Variants in SHANK2 observed in about 807,000 individuals in gnomAD.
SHANK2 encodes SH3 and multiple ankyrin repeat domains protein 2.
A neutral mutation model predicts 133.7 loss-of-function variants in SHANK2; 43 were observed. The ratio of observed to expected loss-of-function variants is 0.32; its 90% CI spans 0.25 to 0.41. SHANK2 has a LOEUF of 0.41. Ranked by LOEUF, SHANK2 falls within the 10% of genes least tolerant of loss-of-function variation. The probability of loss-of-function intolerance (pLI) is 1.00; values close to 1 mark genes in which losing one functional copy is unlikely to be tolerated. For synonymous variants in SHANK2, 1,017 were observed against 952.8 expected (o/e 1.07, Z -1.24); for missense variants, 1,994 against 2,235.8 (o/e 0.89, Z 2.18).
In SHANK2 at chr11:71,135,482, G is replaced by GTT. The variant is rs71949830; in HGVS notation, c.207+11636_207+11637dup. 1.2e-3 allele frequency among the ~76,000 whole-genome samples: 138 copies of GTT among 115,644 alleles called. 2 individuals carry two copies. The highest frequency in any genetic ancestry group is 2.4e-3 in the African/African-American group (76 of 31,126). 75.9% of individuals were successfully genotyped at this position (115,644 alleles called of 152,430 possible). A position where few individuals can be genotyped will look rare whatever the true frequency, so the allele number is the denominator to read the frequency against. The stretch of plus-strand genomic sequence containing the variant: ...TGTGTGCCCAGACTAGGGGGGATAT[G>GTT]TTTTTTTTTTTTTTTTTTTTTGAGA... On this transcript the variant is annotated intron_variant, in intron 3 of 25. Transcript: ENST00000601538.
intron 17 of SHANK2, among the ~76,000 whole-genome samples, chr11:70,632,221 A>AAG (rs2061001526): frequency 2.0e-5 from 3 of 152,030 alleles, no homozygotes; most frequent in African/African-American, 7.2e-5. Context: ...TCCCGGGTTC[A>AAG]TGCCATTCTC....
At chr11:70,625,628 G>A (rs2060893812) in intron 17 of SHANK2, among the ~76,000 whole-genome samples, 1 of 151,712 alleles carries the variant, frequency 6.6e-6, no homozygotes, top group African/African-American at 2.4e-5. Flanking sequence ...GAAAACTGAG[G>A]CCCAGACCTT....
At chr11:70,875,302 C>G (rs145654100) in intron 11 of SHANK2, among the ~76,000 whole-genome samples, 8 of 151,928 alleles carry the variant, frequency 5.3e-5, no homozygotes, top group African/African-American at 1.7e-4. Flanking sequence ...GCTCTGCTTT[C>G]GGAACATGAT....
chr11:71,136,701 T>G (rs528706713), intron 3 of SHANK2, among the ~76,000 whole-genome samples: 3 of 152,284 alleles, frequency 2.0e-5, no homozygotes, highest in East Asian at 3.9e-4. Context: ...ATGTCTGGAA[T>G]AAGCAAATCC....
At chr11:70,675,855 A>G (rs1006736383) in intron 15 of SHANK2, among the ~76,000 whole-genome samples, 4 of 152,234 alleles carry the variant, frequency 2.6e-5, no homozygotes, top group Non-Finnish European at 4.4e-5. Context: ...CCCACACCTA[A>G]AAATGGGTGC....
intron 14 of SHANK2, among the ~76,000 whole-genome samples, chr11:70,754,099 A>C (rs1216471224): frequency 6.6e-6 from 1 of 152,262 alleles, no homozygotes; most frequent in Non-Finnish European, 1.5e-5. Context: ...GGCGTGAGCC[A>C]CTACGCCTGA....
chr11:70,898,282 G>GCACACACACACACACACA (rs71467421), intron 10 of SHANK2, among the ~76,000 whole-genome samples: 1 of 135,422 alleles, frequency 7.4e-6, no homozygotes, highest in African/African-American at 2.8e-5. Flanking sequence ...ATACACACAC[G>GCACACACACACACACACA]CACACACACA....
chr11:70,818,260 A>G (rs1421224078), intron 12 of SHANK2, among the ~76,000 whole-genome samples: 1 of 152,184 alleles, frequency 6.6e-6, no homozygotes, highest in Non-Finnish European at 1.5e-5. Context: ...GCAAATGCAC[A>G]CAGACCAAAA....
intron 14 of SHANK2, among the ~76,000 whole-genome samples, chr11:70,708,030 C>T (rs578181953): frequency 1.3e-5 from 2 of 152,350 alleles, no homozygotes; most frequent in African/African-American, 2.4e-5. Flanking sequence ...ACAAGGCTGT[C>T]ACCACACAGC....
chr11:70,640,112 T>A (rs1555005801), intron 17 of SHANK2, among the ~76,000 whole-genome samples: 1 of 151,964 alleles, frequency 6.6e-6, no homozygotes, highest in East Asian at 1.9e-4. Flanking sequence ...GTGGGCTGAG[T>A]GGTGTCTCCC....
intron 10 of SHANK2, among the ~76,000 whole-genome samples, chr11:70,940,820 A>C (rs1950637203): frequency 6.6e-6 from 1 of 152,218 alleles, no homozygotes; most frequent in Non-Finnish European, 1.5e-5. Flanking sequence ...GGGTGCAAGA[A>C]AAAAGGAAAA....
intron 14 of SHANK2, among the ~76,000 whole-genome samples, chr11:70,701,764 A>G (rs993934185): frequency 6.6e-6 from 1 of 152,152 alleles, no homozygotes; most frequent in Admixed American, 6.5e-5. Context: ...ATCCCCCTGC[A>G]CAGGCCTTCC....
intron 17 of SHANK2, among the ~76,000 whole-genome samples, chr11:70,537,480 C>T (rs1565108900): frequency 6.6e-6 from 1 of 152,202 alleles, no homozygotes; most frequent in Non-Finnish European, 1.5e-5. Context: ...AAGTCAGAGA[C>T]AGGATGCAGC....
At chr11:70,869,588 C>T (rs782264233) in intron 11 of SHANK2, among the ~76,000 whole-genome samples, 7 of 152,210 alleles carry the variant, frequency 4.6e-5, no homozygotes, top group Non-Finnish European at 4.4e-5. Context: ...AAGCCAGGCT[C>T]GGGTATGGAG....
At chr11:70,722,833 A>C (rs1946098627) in intron 14 of SHANK2, among the ~76,000 whole-genome samples, 1 of 152,230 alleles carries the variant, frequency 6.6e-6, no homozygotes, top group Non-Finnish European at 1.5e-5. Context: ...TAAAAGCAGG[A>C]CTTACGACTT....
intron 10 of SHANK2, among the ~76,000 whole-genome samples, chr11:70,900,247 G>A (rs1008842638): frequency 5.3e-5 from 8 of 152,032 alleles, no homozygotes; most frequent in African/African-American, 1.4e-4. Flanking sequence ...TCAGCTATTC[G>A]GGAAGCTGAG....
At chr11:70,691,786 C>G (rs1273814769) in intron 15 of SHANK2, among the ~76,000 whole-genome samples, 1 of 152,026 alleles carries the variant, frequency 6.6e-6, no homozygotes, top group Non-Finnish European at 1.5e-5. Context: ...TCCAGCTACT[C>G]AGGAGGTTGA....
intron 10 of SHANK2, among the ~76,000 whole-genome samples, chr11:70,919,785 ACT>A (rs1449075739): frequency 6.6e-6 from 1 of 151,994 alleles, no homozygotes; most frequent in Non-Finnish European, 1.5e-5. Context: ...CCACTATCCT[ACT>A]CTCTGCTTCT....
chr11:70,716,693 G>A (rs994369628), intron 14 of SHANK2, among the ~76,000 whole-genome samples: 2 of 152,040 alleles, frequency 1.3e-5, no homozygotes, highest in Non-Finnish European at 2.9e-5. Flanking sequence ...TCACCAACAC[G>A]GGGCACCCCC....
Sources: gnomAD v4.1 joint callset for allele counts (sites outside exome capture counted in the v4.1 genomes callset) on GRCh38, gnomAD v4.1.1 for gene constraint, MANE v1.5 for transcripts, NCBI Gene and HGNC (gene_info 2026-07-23, HGNC 2026-07-21) for gene names.